The following NLGN1 variants were observed in gnomAD, a reference collection of about 807,000 sequenced individuals.
The protein encoded by NLGN1 is neuroligin 1.
Under a neutral mutation model 65.5 loss-of-function variants are expected in NLGN1, and 12 were observed. The observed-to-expected ratio is 0.18, with a 90% CI of 0.12 to 0.30. The LOEUF (loss-of-function observed/expected upper bound fraction) is 0.30, where lower values mean the gene tolerates loss of function less well. NLGN1 is among the 10% of genes least tolerant of loss of function. The probability of loss-of-function intolerance (pLI) is 1.00; values close to 1 mark genes in which losing one functional copy is unlikely to be tolerated. For synonymous variants in NLGN1, 350 were observed against 359.5 expected, an observed-to-expected ratio of 0.97 and a Z score of 0.30; for missense variants, 750 against 1,007.1, an observed-to-expected ratio of 0.74 and a Z score of 3.46.
intron 4 of NLGN1, among the ~76,000 whole-genome samples, chr3:173,951,526 G>A (rs992137701): frequency 4.7e-5 from 7 of 150,476 alleles, no homozygotes; most frequent in South Asian, 2.1e-4. Flanking sequence ...GCAGTGGTGC[G>A]ATCTTGGCTC....
intron 3 of NLGN1, among the ~76,000 whole-genome samples, chr3:173,790,194 A>G (rs1560376610): frequency 6.6e-6 from 1 of 151,774 alleles, no homozygotes; most frequent in African/African-American, 2.4e-5. Flanking sequence ...ATATATACAT[A>G]TGTGTGTGTG....
chr3:174,025,721 A>G (rs1728700945), intron 4 of NLGN1, among the ~76,000 whole-genome samples: 1 of 152,216 alleles, frequency 6.6e-6, no homozygotes, highest in Non-Finnish European at 1.5e-5. Flanking sequence ...ACTGCTAAGG[A>G]TGCAGGAAGC....
chr3:174,280,978 G>A lies in NLGN1; in HGVS notation c.2147G>A (p.Arg716His), dbSNP rs118079207. Reference sequence around the variant, plus strand: ...GTTCACAGGAGATGCAGCCCTCAGCGCACTACTACCAATGATCTAACCCAT... The same window carrying A: ...GTTCACAGGAGATGCAGCCCTCAGCACACTACTACCAATGATCTAACCCAT... Residue 716 changes from arginine to histidine, a missense_variant, in exon 7 of 7, where the codon CGC (arginine) becomes CAC (histidine). Coordinates refer to ENST00000457714, the Ensembl canonical transcript of NLGN1. The surrounding 1 kb of genome is among the most constrained non-coding windows in gnomAD (Gnocchi z 4.9). 2.0e-4 allele frequency: 324 copies of A among 1,613,290 alleles called. 1 individual carries two copies. The East Asian group carries it at 5.7e-3, about 29-fold the overall frequency.
intron 4 of NLGN1, among the ~76,000 whole-genome samples, chr3:174,002,576 T>C (rs557386121): frequency 6.6e-6 from 1 of 152,306 alleles, no homozygotes; most frequent in African/African-American, 2.4e-5. Context: ...ATTCTAGTGG[T>C]ACCACAAGTT....
intron 2 of NLGN1, among the ~76,000 whole-genome samples, chr3:173,590,380 T>C (rs1560012583): frequency 6.6e-6 from 1 of 152,202 alleles, no homozygotes; most frequent in Non-Finnish European, 1.5e-5. Flanking sequence ...TACTACAAGA[T>C]TGATGCCAAA....
At chr3:173,681,850 T>A (rs7427618) in intron 3 of NLGN1, among the ~76,000 whole-genome samples, 66,665 of 152,036 alleles carry the variant, frequency 0.44, 16,276 homozygotes, top group African/African-American at 0.67. Context: ...CTCAATAATT[T>A]CTTCTTATTG....
chr3:174,023,670 A>C (rs958659580), intron 4 of NLGN1, among the ~76,000 whole-genome samples: 2 of 152,052 alleles, frequency 1.3e-5, no homozygotes, highest in African/African-American at 4.8e-5. Context: ...GCAGTCTTTG[A>C]GTGGTTGGAG....
intron 3 of NLGN1, among the ~76,000 whole-genome samples, chr3:173,730,503 T>G (rs1284050890): frequency 1.3e-5 from 2 of 152,058 alleles, no homozygotes; most frequent in Non-Finnish European, 2.9e-5. Flanking sequence ...TTTTTACACC[T>G]TTTTCATTCT....
At chr3:174,240,156 T>G (rs747747502) in intron 4 of NLGN1, among the ~76,000 whole-genome samples, 2 of 152,060 alleles carry the variant, frequency 1.3e-5, no homozygotes, top group African/African-American at 2.4e-5. Context: ...GATTTTAAAT[T>G]CACAAAAATT....
At chr3:173,652,476 T>G (rs183279759) in intron 3 of NLGN1, among the ~76,000 whole-genome samples, 2 of 152,192 alleles carry the variant, frequency 1.3e-5, no homozygotes, top group African/African-American at 4.8e-5. Context: ...GTTTCATTAT[T>G]CTACATATGG....
intron 4 of NLGN1, among the ~76,000 whole-genome samples, chr3:174,209,120 TG>T (rs1735966629): frequency 6.6e-6 from 1 of 151,898 alleles, no homozygotes; most frequent in African/African-American, 2.4e-5. Flanking sequence ...AACAGAGTTT[TG>T]CCATGTTGCC....
At chr3:173,724,941 C>T (rs558630662) in intron 3 of NLGN1, among the ~76,000 whole-genome samples, 1 of 151,840 alleles carries the variant, frequency 6.6e-6, no homozygotes, top group Non-Finnish European at 1.5e-5. Context: ...GACAGAAAAC[C>T]AAACACTGCA....
chr3:173,488,392 A>G (rs1188348661), intron 2 of NLGN1, among the ~76,000 whole-genome samples: 1 of 151,264 alleles, frequency 6.6e-6, no homozygotes. Context: ...ATTATTTTTT[A>G]TTTTCCCCCA....
intron 4 of NLGN1, among the ~76,000 whole-genome samples, chr3:174,179,935 C>T (rs529520421): frequency 5.3e-5 from 8 of 152,084 alleles, no homozygotes; most frequent in Non-Finnish European, 8.8e-5. Context: ...CCTAGTTAAT[C>T]GTTAATGGTG....
intron 4 of NLGN1, among the ~76,000 whole-genome samples, chr3:173,985,698 C>A (rs1719727459): frequency 6.6e-6 from 1 of 152,062 alleles, no homozygotes; most frequent in South Asian, 2.1e-4. Context: ...GCCTGTAATC[C>A]CAGCACTTTG....
chr3:174,224,936 A>G (rs1315862247), intron 4 of NLGN1, among the ~76,000 whole-genome samples: 1 of 152,154 alleles, frequency 6.6e-6, no homozygotes, highest in Non-Finnish European at 1.5e-5. Context: ...CTAAATTTAG[A>G]AGCTTGTTAG....
At chr3:174,043,539 T>C (rs1732830986) in intron 4 of NLGN1, among the ~76,000 whole-genome samples, 1 of 152,184 alleles carries the variant, frequency 6.6e-6, no homozygotes, top group Admixed American at 6.5e-5. Context: ...AAGCCCAAAA[T>C]CCAATAGAGC....
At chr3:173,439,208 C>A (rs1333343406) in intron 2 of NLGN1, among the ~76,000 whole-genome samples, 2 of 152,150 alleles carry the variant, frequency 1.3e-5, no homozygotes, top group Non-Finnish European at 2.9e-5. Context: ...TTAGTTTCCT[C>A]TTAACACCTG....
chr3:173,634,080 C>T (rs1248681850), intron 3 of NLGN1, among the ~76,000 whole-genome samples: 2 of 152,004 alleles, frequency 1.3e-5, no homozygotes, highest in Non-Finnish European at 2.9e-5. Context: ...TTGCCTAAAT[C>T]CACATTTTTA....
Sources: allele counts gnomAD v4.1 joint callset (sites outside exome capture counted in the v4.1 genomes callset), GRCh38; gene constraint gnomAD v4.1.1; non-coding constraint Gnocchi (gnomAD v3.1); transcripts MANE v1.5; gene names NCBI Gene and HGNC (gene_info 2026-07-23, HGNC 2026-07-21).